Variants in CECR2 observed in about 807,000 individuals in gnomAD.
CECR2 encodes the protein chromatin remodeling regulator CECR2.
Under a neutral mutation model 154.5 loss-of-function variants are expected in CECR2, and 30 were observed. The ratio of observed to expected loss-of-function variants is 0.19; its 90% confidence interval spans 0.15 to 0.26. The LOEUF (loss-of-function observed/expected upper bound fraction) is 0.26. CECR2 is among the 10% of genes least tolerant of loss of function. The pLI is 1.00. For synonymous variants in CECR2, 725 were observed against 683.7 expected (o/e 1.06, Z -0.94); for missense variants, 1,743 against 1,829.3 (o/e 0.95, Z 0.86).
intron 1 of CECR2, among the ~76,000 whole-genome samples, chr22:17,404,958 T>G (rs116317276): frequency 0.025 from 3,793 of 152,262 alleles, 179 homozygotes; most frequent in African/African-American, 0.086. Context: ...CACTATTGAG[T>G]CTTCTGACCC....
In CECR2 at chr22:17,469,593, G is replaced by GTTT. The variant is rs1156329348; in HGVS notation, c.127-7981_127-7979dup. Among the ~76,000 whole-genome samples the GTTT allele has an allele frequency of 7.1e-3, 887 of 125,388 alleles. 9 individuals are homozygous for GTTT. The highest frequency in any genetic ancestry group is 0.039 in the East Asian group (175 of 4,482). 82.3% of individuals were successfully genotyped at this position (125,388 alleles called of 152,430 possible). On this transcript the variant is annotated intron_variant, in intron 1 of 18. Transcript: ENST00000262608. ...CGCATCCTCTTTTGATGATAACATT[G>GTTT]TTTTTTTTTTTTTTTTCCAGTAAGA... is the stretch of plus-strand genomic sequence containing the variant.
chr22:17,529,528 G>A (rs1020890808), intron 9 of CECR2, among the ~76,000 whole-genome samples: 2 of 152,024 alleles, frequency 1.3e-5, no homozygotes, highest in African/African-American at 4.8e-5. Context: ...GTGAAACCCC[G>A]TCTCTACTAA....
chr22:17,427,536 T>G (rs1204555871), intron 1 of CECR2, among the ~76,000 whole-genome samples: 2 of 152,102 alleles, frequency 1.3e-5, no homozygotes, highest in African/African-American at 4.8e-5. Context: ...TCCGGTGGGT[T>G]TGTGGTCTCG....
At chr22:17,393,453 A>G (rs2053760955) in intron 1 of CECR2, among the ~76,000 whole-genome samples, 1 of 152,272 alleles carries the variant, frequency 6.6e-6, no homozygotes, top group Non-Finnish European at 1.5e-5. Flanking sequence ...CCTTTTGGCT[A>G]TTATAAATAA....
In CECR2 at chr22:17,553,284, G is replaced by C. The variant is rs1278434159; in HGVS notation, c.*444G>C. On this transcript the variant is annotated 3_prime_UTR_variant, in exon 19 of 19. Transcript: ENST00000262608. ...ATTAATGGTTTTGGAGCTGGGTCCAGTTTACAGAATTTTCATGTTGCCTTT... is the reference window on the plus strand; with the variant it reads ...ATTAATGGTTTTGGAGCTGGGTCCACTTTACAGAATTTTCATGTTGCCTTT... 7.4e-6 allele frequency: 1 copy of C among 135,240 alleles called. No individual in the cohort carries two copies. Among genetic ancestry groups the C allele is most frequent in the Non-Finnish European group, 1.6e-5 (1 of 64,472 alleles). The allele number at this position is 135,240 out of a possible 1,614,324, so 8.4% of individuals were successfully genotyped here.
chr22:17,501,824 G>A (rs2055743723), intron 5 of CECR2, among the ~76,000 whole-genome samples: 1 of 152,176 alleles, frequency 6.6e-6, no homozygotes, highest in Non-Finnish European at 1.5e-5. Context: ...GTAGCTTAGG[G>A]TTGGGACTGT....
chr22:17,526,990 A>G (rs2056276837), intron 9 of CECR2, among the ~76,000 whole-genome samples: 1 of 152,206 alleles, frequency 6.6e-6, no homozygotes, highest in Non-Finnish European at 1.5e-5. Context: ...AACAACCAGC[A>G]AAGTGAAGAG....
intron 16 of CECR2, among the ~76,000 whole-genome samples, chr22:17,543,883 G>C (rs556351074): frequency 1.3e-5 from 2 of 152,156 alleles, no homozygotes; most frequent in Non-Finnish European, 2.9e-5. Flanking sequence ...TTTATTCTCA[G>C]AACAAGCCTT....
intron 1 of CECR2, among the ~76,000 whole-genome samples, chr22:17,396,090 A>AAAAC (rs1290478457): frequency 6.6e-6 from 1 of 151,618 alleles, no homozygotes; most frequent in Non-Finnish European, 1.5e-5. Flanking sequence ...AATAAAAAAA[A>AAAAC]AAACAACTGG....
rs1217486680 is a variant in CECR2, at chr22:17,524,395, T to TTTTTC, written c.1108+128_1108+129insCTTTT. ...GTTGTTTCCGGCAATTTCTTTTTTTTTTTTTTTTTTTTTTTGAGACGGAGT... is the reference window on the plus strand; with the variant it reads ...GTTGTTTCCGGCAATTTCTTTTTTTTTTTTCTTTTTTTTTTTTTTTGAGACGGAGT... On this transcript the variant is annotated intron_variant, in intron 9 of 18. Transcript: ENST00000262608. 2.1e-5 allele frequency: 23 copies of TTTTTC among 1,115,484 alleles called. No homozygotes were observed. In the African/African-American group the frequency reaches 4.0e-4, roughly 19 times the overall value. 69.1% of individuals were successfully genotyped at this position (1,115,484 alleles called of 1,614,324 possible).
chr22:17,392,478 T>G (rs2146508851), intron 1 of CECR2, among the ~76,000 whole-genome samples: 1 of 151,738 alleles, frequency 6.6e-6, no homozygotes, highest in South Asian at 2.1e-4. Flanking sequence ...ACAGTGAGAC[T>G]CCGTCTCAAA....
chr22:17,376,540 G>A (rs1474592842), intron 1 of CECR2, among the ~76,000 whole-genome samples: 1 of 152,212 alleles, frequency 6.6e-6, no homozygotes, highest in Non-Finnish European at 1.5e-5. Flanking sequence ...CAGTGCAAAG[G>A]TGGTTTAGGT....
chr22:17,364,931 A>T (rs1410084825), upstream of CECR2, among the ~76,000 whole-genome samples: 1 of 152,212 alleles, frequency 6.6e-6, no homozygotes, highest in Non-Finnish European at 1.5e-5. Flanking sequence ...GAACAGTTAG[A>T]TTTGGATGCT....
intron 1 of CECR2, among the ~76,000 whole-genome samples, chr22:17,459,157 C>G (rs79777541): frequency 1.3e-5 from 2 of 152,132 alleles, no homozygotes; most frequent in Admixed American, 1.3e-4. Context: ...TTTAGTTGTC[C>G]GTTGCATATT....
intron 9 of CECR2, among the ~76,000 whole-genome samples, chr22:17,526,413 C>T (rs1271657839): frequency 1.3e-5 from 2 of 152,210 alleles, no homozygotes; most frequent in South Asian, 4.1e-4. Context: ...AAAAGAGTCT[C>T]TTCTACAAGT....
chr22:17,499,328 AAATTTGG>A, intron 3 of CECR2, 75 bp from the exon 4 acceptor site: 1 of 1,513,452 alleles, frequency 6.6e-7, no homozygotes, highest in Non-Finnish European at 9.0e-7. Flanking sequence ...GCTTACGTGT[AAATTTGG>A]AATCCTCGTT....
chr22:17,498,181 GA>G (rs1294181785), intron 3 of CECR2, among the ~76,000 whole-genome samples: 2 of 152,156 alleles, frequency 1.3e-5, no homozygotes. Flanking sequence ...ACGAAGTCAG[GA>G]GATCGAGACC....
At chr22:17,441,861 C>T (rs1226571894) in intron 1 of CECR2, among the ~76,000 whole-genome samples, 2 of 152,194 alleles carry the variant, frequency 1.3e-5, no homozygotes, top group Non-Finnish European at 2.9e-5. Context: ...GTAAGAATTT[C>T]ATGGAACATG....
chr22:17,390,117 G>A (rs2146501566), intron 1 of CECR2, among the ~76,000 whole-genome samples: 1 of 152,160 alleles, frequency 6.6e-6, no homozygotes, highest in Admixed American at 6.6e-5. Context: ...TTTCAGTCTA[G>A]GATCAGGCAT....
Sources: gnomAD v4.1 joint callset for allele counts (sites outside exome capture counted in the v4.1 genomes callset) on GRCh38, gnomAD v4.1.1 for gene constraint, MANE v1.5 for transcripts, NCBI Gene and HGNC (gene_info 2026-07-23, HGNC 2026-07-21) for gene names.